The following B3GALT1 variants were observed in gnomAD, a reference collection of about 807,000 sequenced individuals.
B3GALT1 encodes the protein beta-1,3-galactosyltransferase 1.
A neutral mutation model predicts 23.2 loss-of-function variants in B3GALT1; 10 were observed. The observed-to-expected ratio is 0.43, with a 90% CI of 0.27 to 0.73. The LOEUF (loss-of-function observed/expected upper bound fraction) is 0.73, where lower values mean the gene tolerates loss of function less well. B3GALT1 is among the 30% of genes least tolerant of loss of function. The pLI, the probability that B3GALT1 is intolerant of heterozygous loss-of-function variation, is 0.21. For synonymous variants in B3GALT1, 156 were observed against 141.5 expected (o/e 1.10, Z -0.73); for missense variants, 299 against 405.4 (o/e 0.74, Z 2.25).
intron 2 of B3GALT1, among the ~76,000 whole-genome samples, chr2:167,578,837 C>A (rs1684428671): frequency 2.0e-5 from 3 of 151,922 alleles, no homozygotes; most frequent in South Asian, 2.1e-4. Context: ...TTAACAGGTA[C>A]CAAGAGTTAT....
At chr2:167,332,340 A>G (rs1009800902) in intron 1 of B3GALT1, among the ~76,000 whole-genome samples, 2 of 152,212 alleles carry the variant, frequency 1.3e-5, no homozygotes, top group Non-Finnish European at 2.9e-5. Context: ...TAACACACTT[A>G]TTTGTTATGC....
At chr2:167,682,622 T>C (rs944635304) in intron 3 of B3GALT1, among the ~76,000 whole-genome samples, 2 of 152,228 alleles carry the variant, frequency 1.3e-5, no homozygotes, top group African/African-American at 4.8e-5. Flanking sequence ...CCCGAGATTC[T>C]GATTCTGATG....
At chr2:167,348,336 T>C (rs1030882606) in intron 1 of B3GALT1, among the ~76,000 whole-genome samples, 3 of 152,316 alleles carry the variant, frequency 2.0e-5, no homozygotes, top group African/African-American at 7.2e-5. Context: ...AACATGAAGT[T>C]TCCTTCAGGC....
chr2:167,632,923 G>A (rs896098889), intron 2 of B3GALT1, among the ~76,000 whole-genome samples: 19 of 151,970 alleles, frequency 1.3e-4, no homozygotes, highest in Admixed American at 1.1e-3. Flanking sequence ...GGGTTTTATG[G>A]TTTTAAGGCT....
At chr2:167,647,739 A>AT (rs1414586203) in intron 3 of B3GALT1, among the ~76,000 whole-genome samples, 1 of 151,794 alleles carries the variant, frequency 6.6e-6, no homozygotes, top group Non-Finnish European at 1.5e-5. Context: ...CAGTCACTCA[A>AT]TTTTTTTATA....
intron 1 of B3GALT1, among the ~76,000 whole-genome samples, chr2:167,442,629 G>C (rs1380730581): frequency 6.6e-6 from 1 of 151,392 alleles, no homozygotes; most frequent in African/African-American, 2.5e-5. Flanking sequence ...CTGATGGCCA[G>C]TGATGGTGAG....
chr2:167,437,246 T>G (rs1341037666), intron 1 of B3GALT1, among the ~76,000 whole-genome samples: 2 of 152,216 alleles, frequency 1.3e-5, no homozygotes, highest in Admixed American at 6.5e-5. Context: ...GGGCTAAGCT[T>G]AGGCCTGAAA....
chr2:167,733,391 T>G (rs1687438188), intron 3 of B3GALT1, among the ~76,000 whole-genome samples: 1 of 151,862 alleles, frequency 6.6e-6, no homozygotes, highest in Non-Finnish European at 1.5e-5. Flanking sequence ...TTCTTAATCT[T>G]TCTTAAAACA....
At chr2:167,434,796 A>G (rs956668986) in intron 1 of B3GALT1, among the ~76,000 whole-genome samples, 15 of 150,886 alleles carry the variant, frequency 9.9e-5, no homozygotes. Context: ...ATAATTTAAA[A>G]ATTCTAACTT....
intron 2 of B3GALT1, among the ~76,000 whole-genome samples, chr2:167,570,278 A>T (rs1471345641): frequency 6.6e-6 from 1 of 151,862 alleles, no homozygotes; most frequent in Admixed American, 6.6e-5. Context: ...TTCATCAGTG[A>T]ACTCATCGGG....
intron 3 of B3GALT1, among the ~76,000 whole-genome samples, chr2:167,788,215 C>G (rs1026619035): frequency 1.5e-4 from 23 of 150,862 alleles, no homozygotes; most frequent in African/African-American, 5.1e-4. Context: ...TAGTCCCCAA[C>G]CTTTTTGGCA....
chr2:167,495,832 T>G (rs554611569), intron 2 of B3GALT1, among the ~76,000 whole-genome samples: 1 of 152,186 alleles, frequency 6.6e-6, no homozygotes, highest in Non-Finnish European at 1.5e-5. Flanking sequence ...GTGAAGGGAA[T>G]GAAGGTGAGG....
intron 4 of B3GALT1, among the ~76,000 whole-genome samples, chr2:167,828,144 G>C (rs1163157843): frequency 6.6e-6 from 1 of 151,980 alleles, no homozygotes; most frequent in Non-Finnish European, 1.5e-5. Flanking sequence ...CCTATTCCTG[G>C]GCCTAAAAGA....
chr2:167,418,938 G>A (rs1278165114), intron 1 of B3GALT1, among the ~76,000 whole-genome samples: 2 of 152,122 alleles, frequency 1.3e-5, no homozygotes, highest in East Asian at 3.9e-4. Context: ...TATTGCCTTT[G>A]ATAAATGCAT....
chr2:167,377,727 A>G (rs1053203096), intron 1 of B3GALT1, among the ~76,000 whole-genome samples: 3 of 151,920 alleles, frequency 2.0e-5, no homozygotes, highest in Admixed American at 2.0e-4. Context: ...TATATGTGAG[A>G]TGGGACTCTT....
intron 3 of B3GALT1, among the ~76,000 whole-genome samples, chr2:167,797,379 G>T (rs1271684975): frequency 1.3e-5 from 2 of 152,142 alleles, no homozygotes; most frequent in Non-Finnish European, 2.9e-5. Flanking sequence ...GTCTATCATT[G>T]ATGGACATTT....
chr2:167,334,291 A>G (rs906492722), intron 1 of B3GALT1, among the ~76,000 whole-genome samples: 3 of 152,338 alleles, frequency 2.0e-5, no homozygotes, highest in Admixed American at 6.5e-5. Context: ...ACCATCTGGT[A>G]TCTCCTCCTA....
chr2:167,425,570 C>T (rs887964054), intron 1 of B3GALT1, among the ~76,000 whole-genome samples: 14 of 152,310 alleles, frequency 9.2e-5, no homozygotes, highest in African/African-American at 3.4e-4. Flanking sequence ...GCAAGCTGTG[C>T]AGACCACTGC....
At chr2:167,861,701 G>C (rs981132107) in intron 4 of B3GALT1, among the ~76,000 whole-genome samples, 2 of 151,998 alleles carry the variant, frequency 1.3e-5, no homozygotes, top group African/African-American at 4.8e-5. Flanking sequence ...GTCTCTATCC[G>C]ATTATCCCCC....
Sources: allele counts gnomAD v4.1 joint callset (sites outside exome capture counted in the v4.1 genomes callset), GRCh38; gene constraint gnomAD v4.1.1; transcripts MANE v1.5; gene names NCBI Gene and HGNC (gene_info 2026-07-23, HGNC 2026-07-21).